BRD10: variants seen among roughly 807,000 people sequenced by gnomAD.
BRD10 encodes bromodomain containing 10, also known as uncharacterized bromodomain-containing protein 10.
the BRD10 span, among the ~76,000 whole-genome samples, chr9:5,931,033 G>C: frequency 2.6e-5 from 4 of 152,318 alleles, 1 homozygote; most frequent in South Asian, 6.2e-4. Flanking sequence ...AGAGAAGAAA[G>C]AGGAAAGATA....
At chr9:5,991,416 G>T in the BRD10 span, among the ~76,000 whole-genome samples, 1 of 151,992 alleles carries the variant, frequency 6.6e-6, no homozygotes, top group African/African-American at 2.4e-5. Context: ...AGTAACCCAG[G>T]TAATCCTTTT....
the BRD10 span, among the ~76,000 whole-genome samples, chr9:5,917,300 T>C: frequency 5.9e-5 from 9 of 152,188 alleles, no homozygotes; most frequent in Admixed American, 6.5e-5. Flanking sequence ...GAACCTGTAA[T>C]GGAACATTAG....
the BRD10 span, among the ~76,000 whole-genome samples, chr9:5,957,536 T>G: frequency 6.6e-6 from 1 of 152,156 alleles, no homozygotes; most frequent in East Asian, 1.9e-4. Flanking sequence ...GTAGCTAATA[T>G]GCACTAGGAG....
At chr9:5,937,366 C>A in the BRD10 span, among the ~76,000 whole-genome samples, 2 of 151,940 alleles carry the variant, frequency 1.3e-5, no homozygotes, top group Non-Finnish European at 2.9e-5. Context: ...GTGAAACCAT[C>A]TCTACTAAAA....
At chr9:5,923,223 T>C in the BRD10 span, 3 of 1,613,988 alleles carry the variant, frequency 1.9e-6, no homozygotes, top group South Asian at 3.3e-5. Context: ...TTAAGCAGTG[T>C]CTTCGGTAAG....
chr9:6,005,301 A>G, the BRD10 span, among the ~76,000 whole-genome samples: 7 of 151,868 alleles, frequency 4.6e-5, no homozygotes, highest in South Asian at 1.2e-3. Context: ...ACCTGAGGTC[A>G]GGAGCTTGAG....
At chr9:5,881,602 G>A in the BRD10 span, 1 of 152,230 alleles carries the variant, frequency 6.6e-6, no homozygotes, top group African/African-American at 2.4e-5. Flanking sequence ...CTTGGTAGGA[G>A]TTATTGAAGG....
At chr9:5,955,895 A>G in the BRD10 span, among the ~76,000 whole-genome samples, 1 of 152,164 alleles carries the variant, frequency 6.6e-6, no homozygotes, top group Non-Finnish European at 1.5e-5. Flanking sequence ...TAATACAGCT[A>G]GTAATTGATT....
chr9:5,998,541 A>G, the BRD10 span, among the ~76,000 whole-genome samples: 53 of 152,034 alleles, frequency 3.5e-4, no homozygotes, highest in Admixed American at 3.5e-3. Flanking sequence ...CCTTTCTCTC[A>G]ATCCTTACAG....
the BRD10 span, among the ~76,000 whole-genome samples, chr9:5,888,651 T>C: frequency 6.6e-6 from 1 of 152,174 alleles, no homozygotes; most frequent in Non-Finnish European, 1.5e-5. Context: ...GCCTGGAAGA[T>C]GAGGAGCTGG....
the BRD10 span, chr9:5,921,817 G>C: frequency 2.7e-5 from 44 of 1,613,846 alleles, no homozygotes; most frequent in Non-Finnish European, 3.6e-5. Flanking sequence ...AGGGAGAAGA[G>C]GGCATGTGTG....
the BRD10 span, among the ~76,000 whole-genome samples, chr9:5,965,072 A>C: frequency 6.7e-6 from 1 of 148,460 alleles, no homozygotes; most frequent in Non-Finnish European, 1.5e-5. Flanking sequence ...AAAAAAAAAA[A>C]AGAAAAAAAA....
the BRD10 span, among the ~76,000 whole-genome samples, chr9:6,005,219 G>A: frequency 1.1e-4 from 17 of 152,186 alleles, no homozygotes; most frequent in Non-Finnish European, 1.5e-4. Context: ...ACTAAGAAAT[G>A]TTTATTATAG....
At chr9:6,000,028 T>G in the BRD10 span, among the ~76,000 whole-genome samples, 1 of 152,224 alleles carries the variant, frequency 6.6e-6, no homozygotes, top group East Asian at 1.9e-4. Context: ...TAAAATACAT[T>G]TTTAATATAA....
At chr9:5,911,947 G>A in the BRD10 span, among the ~76,000 whole-genome samples, 1 of 152,028 alleles carries the variant, frequency 6.6e-6, no homozygotes, top group African/African-American at 2.4e-5. Context: ...ACTTTGATAG[G>A]GATTGCATTG....
chr9:5,920,637 G>T, the BRD10 span: 6 of 1,613,872 alleles, frequency 3.7e-6, no homozygotes, highest in Non-Finnish European at 5.1e-6. Flanking sequence ...GAATGGAACT[G>T]GAGTGAAGTC....
chr9:6,000,489 G>T, the BRD10 span, among the ~76,000 whole-genome samples: 1 of 152,076 alleles, frequency 6.6e-6, no homozygotes, highest in South Asian at 2.1e-4. Flanking sequence ...TCCAAGATAT[G>T]ATTTTTCTTC....
the BRD10 span, among the ~76,000 whole-genome samples, chr9:5,973,546 G>C: frequency 6.6e-6 from 1 of 152,150 alleles, no homozygotes; most frequent in African/African-American, 2.4e-5. Flanking sequence ...TGATTAAACT[G>C]AAAAGGAAGA....
chr9:5,889,223 C>T, the BRD10 span, among the ~76,000 whole-genome samples: 2 of 152,166 alleles, frequency 1.3e-5, no homozygotes, highest in African/African-American at 4.8e-5. Flanking sequence ...GTCACACAAC[C>T]AATGCTTCAA....
Sources: allele counts gnomAD v4.1 joint callset (sites outside exome capture counted in the v4.1 genomes callset), GRCh38; gene constraint gnomAD v4.1.1; transcripts MANE v1.5; gene names NCBI Gene and HGNC (gene_info 2026-07-23, HGNC 2026-07-21).